Variants in SFMBT1 observed in about 807,000 individuals in gnomAD.
SFMBT1 encodes the protein scm-like with four MBT domains protein 1.
A neutral mutation model predicts 108.7 loss-of-function variants in SFMBT1; 32 were observed. The observed-to-expected ratio is 0.29, with a 90% CI of 0.22 to 0.40. The LOEUF (loss-of-function observed/expected upper bound fraction) is 0.40. Among genes scored for constraint, SFMBT1 ranks in the 10% least tolerant of loss-of-function variants. SFMBT1 has a pLI of 1.00. For missense variants in SFMBT1, 816 were observed against 1,059.6 expected, an observed-to-expected ratio of 0.77 and a Z score of 3.19; for synonymous variants, 348 against 369.5, an observed-to-expected ratio of 0.94 and a Z score of 0.67.
intron 3 of SFMBT1, among the ~76,000 whole-genome samples, chr3:52,948,406 G>A (rs906736683): frequency 2.0e-5 from 3 of 151,756 alleles, no homozygotes; most frequent in Admixed American, 6.6e-5. Flanking sequence ...CTTGATCCAC[G>A]ATATATCCAT....
intron 1 of SFMBT1, among the ~76,000 whole-genome samples, chr3:52,994,986 T>C (rs1698270594): frequency 7.6e-6 from 1 of 131,692 alleles, no homozygotes; most frequent in Non-Finnish European, 1.7e-5. Flanking sequence ...TTGAAAAAAA[T>C]CTATTCACTG....
chr3:52,944,934 G>T (rs1293388961), intron 3 of SFMBT1, among the ~76,000 whole-genome samples: 2 of 151,718 alleles, frequency 1.3e-5, no homozygotes, highest in Admixed American at 1.3e-4. Flanking sequence ...CTCCTGAGTA[G>T]CTGAGACCCC....
At chr3:52,966,624 CAAAAAAAAA>C (rs35044878) in intron 2 of SFMBT1, among the ~76,000 whole-genome samples, 1 of 48,390 alleles carries the variant, frequency 2.1e-5, no homozygotes, top group African/African-American at 8.4e-5. Context: ...GACTCAGTCT[CAAAAAAAAA>C]AAAAAAAAAA....
intron 3 of SFMBT1, among the ~76,000 whole-genome samples, chr3:52,945,325 T>C (rs1001529163): frequency 3.3e-5 from 5 of 151,458 alleles, no homozygotes; most frequent in Non-Finnish European, 5.9e-5. Flanking sequence ...CTGGGACAAT[T>C]TGAGCAATAA....
intron 3 of SFMBT1, among the ~76,000 whole-genome samples, chr3:52,950,511 G>A (rs1008669398): frequency 6.6e-6 from 1 of 152,092 alleles, no homozygotes; most frequent in African/African-American, 2.4e-5. Context: ...GTCTCGCTCT[G>A]TTGCCCAGGC....
At chr3:52,943,007 T>TAAAAC (rs1703236493) in intron 4 of SFMBT1, among the ~76,000 whole-genome samples, 1 of 151,966 alleles carries the variant, frequency 6.6e-6, no homozygotes, top group Non-Finnish European at 1.5e-5. Flanking sequence ...GAGAGGACAA[T>TAAAAC]AAAAACAAAA....
In SFMBT1 at chr3:52,934,850, A is replaced by G. The variant is rs1450219979; in HGVS notation, c.416T>C (p.Ile139Thr). ...DWDEFLRQTLIGACSPPVPLL... is the reference protein window; with the variant it reads ...DWDEFLRQTLTGACSPPVPLL... ...CGGAACAGGAGGACTACATGCTCCT[A>G]TCAGGGTCTGCCGCAGAAACTCATC... Residue 139 changes from isoleucine to threonine, a missense_variant, in exon 5 of 21, where the codon ATA becomes ACA. Ile to Thr is a moderately conservative substitution (Grantham distance 89). Transcript: ENST00000394752. The G allele has an allele frequency of 1.2e-6, 2 of 1,613,660 alleles. No homozygotes were observed. Among genetic ancestry groups the G allele is most frequent in the African/African-American group, 1.3e-5 (1 of 74,906 alleles).
chr3:52,963,994 T>G (rs773196749), intron 2 of SFMBT1, among the ~76,000 whole-genome samples: 4 of 152,086 alleles, frequency 2.6e-5, no homozygotes, highest in Non-Finnish European at 4.4e-5. Flanking sequence ...AGAAAAAACT[T>G]TGTAACCCTG....
chr3:52,926,659 CT>C (rs369137670), intron 9 of SFMBT1, among the ~76,000 whole-genome samples: 206 of 152,206 alleles, frequency 1.4e-3, no homozygotes, highest in African/African-American at 4.8e-3. Flanking sequence ...CTTTTATAAT[CT>C]AAATCATGTA....
At chr3:52,967,518 G>A (rs1031709254) in intron 2 of SFMBT1, among the ~76,000 whole-genome samples, 1 of 152,048 alleles carries the variant, frequency 6.6e-6, no homozygotes, top group East Asian at 1.9e-4. Flanking sequence ...AAAAACCTCT[G>A]AATTATGTAC....
chr3:52,987,419 T>C (rs931426703), intron 1 of SFMBT1, among the ~76,000 whole-genome samples: 21 of 152,334 alleles, frequency 1.4e-4, no homozygotes, highest in Admixed American at 1.4e-3. Context: ...TTAGGATGGC[T>C]ACTACATCAT....
chr3:52,916,356 CTTTTTTTTT>C (rs71087030), intron 13 of SFMBT1, 142 bp from the exon 14 acceptor site: 7 of 346,098 alleles, frequency 2.0e-5, no homozygotes, highest in Middle Eastern at 8.2e-4. Flanking sequence ...CTTGATGATA[CTTTTTTTTT>C]TTTTTTTTTT....
intron 1 of SFMBT1, among the ~76,000 whole-genome samples, chr3:53,014,752 A>C (rs1241285682): frequency 6.6e-6 from 1 of 152,170 alleles, no homozygotes; most frequent in Non-Finnish European, 1.5e-5. Flanking sequence ...CTAGACTCTA[A>C]AGGACAGGCC....
At chr3:53,025,984 A>G (rs1216763371) in intron 1 of SFMBT1, among the ~76,000 whole-genome samples, 1 of 152,252 alleles carries the variant, frequency 6.6e-6, no homozygotes. Context: ...TGTTTTGAAG[A>G]GCTAATATTG....
At chr3:52,919,034 G>A (rs1050334510) in intron 12 of SFMBT1, among the ~76,000 whole-genome samples, 14 of 151,940 alleles carry the variant, frequency 9.2e-5, no homozygotes, top group Non-Finnish European at 1.9e-4. Context: ...ATCTAATGCC[G>A]CCCCGATCTG....
chr3:52,985,425 G>A lies in SFMBT1; in HGVS notation c.-130-16167C>T, dbSNP rs557180518. ...TATGTATGTGCCTGGCACTTTTTAT[G>A]TATTGTATACTAAATAATTAGGCAC... On this transcript the variant is annotated intron_variant, in intron 1 of 20. Coordinates refer to ENST00000394752, the MANE Select transcript of SFMBT1 (RefSeq NM_016329.4). Among the ~76,000 whole-genome samples the A allele has an allele frequency of 3.3e-5, 5 of 152,282 alleles. No individual in the cohort carries two copies. The South Asian group carries it at 1.0e-3, about 32-fold the overall frequency.
At chr3:52,950,075 A>G (rs906512485) in intron 3 of SFMBT1, among the ~76,000 whole-genome samples, 2 of 152,186 alleles carry the variant, frequency 1.3e-5, no homozygotes, top group African/African-American at 4.8e-5. Flanking sequence ...TTAACAGTGC[A>G]TTTAGACCAC....
At chr3:53,025,649 T>A (rs117732510) in intron 1 of SFMBT1, among the ~76,000 whole-genome samples, 8 of 152,304 alleles carry the variant, frequency 5.3e-5, no homozygotes, top group Middle Eastern at 3.4e-3. Flanking sequence ...AACACTGTGA[T>A]GGAAATATTT....
intron 6 of SFMBT1, 31 bp downstream of exon 6, chr3:52,932,031 C>A: frequency 6.3e-7 from 1 of 1,599,630 alleles, no homozygotes; most frequent in South Asian, 1.1e-5. Context: ...ATGTTAATGT[C>A]ACAGAAGAAA....
Sources: gnomAD v4.1 joint callset for allele counts (sites outside exome capture counted in the v4.1 genomes callset) on GRCh38, gnomAD v4.1.1 for gene constraint, MANE v1.5 for transcripts, NCBI Gene and HGNC (gene_info 2026-07-23, HGNC 2026-07-21) for gene names.